SERGEF: variants seen among roughly 807,000 people sequenced by gnomAD.
The protein encoded by SERGEF is secretion regulating guanine nucleotide exchange factor.
Under a neutral mutation model 50.0 loss-of-function variants are expected in SERGEF, and 51 were observed. That is an observed-to-expected ratio of 1.02 (90% CI 0.81 to 1.29). The LOEUF is 1.29. Ranked by LOEUF, SERGEF falls within the 50% of genes most tolerant of loss-of-function variation. The pLI, the probability that SERGEF is intolerant of heterozygous loss-of-function variation, is 0.00. For synonymous variants in SERGEF, 205 were observed against 212.4 expected (o/e 0.97, Z 0.30); for missense variants, 521 against 557.0 (o/e 0.94, Z 0.65).
chr11:17,921,415 T>C (rs1852153688), intron 9 of SERGEF, among the ~76,000 whole-genome samples: 1 of 152,162 alleles, frequency 6.6e-6, no homozygotes, highest in African/African-American at 2.4e-5. Context: ...CCATGTAAAA[T>C]ATCTAGTCCA....
chr11:17,902,866 C>T (rs1485661603), intron 9 of SERGEF, among the ~76,000 whole-genome samples: 1 of 152,208 alleles, frequency 6.6e-6, no homozygotes, highest in East Asian at 1.9e-4. Flanking sequence ...TACCAGACAT[C>T]ACCTGCCCCA....
At chr11:17,887,630 A>G (rs2133907190) in intron 9 of SERGEF, among the ~76,000 whole-genome samples, 2 of 152,374 alleles carry the variant, frequency 1.3e-5, no homozygotes, top group East Asian at 1.9e-4. Flanking sequence ...TGTAAATTCA[A>G]CAACTGCTTG....
chr11:17,991,625 T>C lies in SERGEF; in HGVS notation c.685+1306A>G, dbSNP rs1488400620. Among the ~76,000 whole-genome samples the C allele has an allele frequency of 6.6e-6, 1 of 152,250 alleles. No homozygotes were observed. Among genetic ancestry groups the C allele is most frequent in the Non-Finnish European group, 1.5e-5 (1 of 68,046 alleles). On this transcript the variant is annotated intron_variant, in intron 7 of 10. Coordinates refer to ENST00000265965, the MANE Select transcript of SERGEF (RefSeq NM_012139.4). The surrounding 1 kb of genome is among the most constrained non-coding windows in gnomAD (Gnocchi z 4.9). ...AACACTTTTAACAAATATTAATATATAAATCTACCTAATGTGAGACACAAG... is the reference window on the plus strand; with the variant it reads ...AACACTTTTAACAAATATTAATATACAAATCTACCTAATGTGAGACACAAG...
At chr11:17,846,733 G>GGGAT (rs919820913) in intron 10 of SERGEF, 2 of 456,084 alleles carry the variant, frequency 4.4e-6, no homozygotes, top group African/African-American at 4.0e-5. Flanking sequence ...CAGCAAAACT[G>GGGAT]GGATAATAAT....
chr11:17,962,533 G>A (rs1853027882), intron 8 of SERGEF, among the ~76,000 whole-genome samples: 1 of 152,086 alleles, frequency 6.6e-6, no homozygotes, highest in African/African-American at 2.4e-5. Flanking sequence ...CATCCAAAAA[G>A]TATAGGTATG....
intron 9 of SERGEF, among the ~76,000 whole-genome samples, chr11:17,898,608 G>A (rs76402800): frequency 0.059 from 8,941 of 152,190 alleles, 895 homozygotes; most frequent in African/African-American, 0.2. Flanking sequence ...AAGGGGAAGT[G>A]TGAAATTGTT....
intron 10 of SERGEF, among the ~76,000 whole-genome samples, chr11:17,821,787 G>A (rs182952070): frequency 1.3e-5 from 2 of 152,206 alleles, no homozygotes; most frequent in East Asian, 3.9e-4. Context: ...GTGTATATGT[G>A]TCCATCTCAC....
intron 9 of SERGEF, among the ~76,000 whole-genome samples, chr11:17,903,834 T>C (rs1851790817): frequency 6.6e-6 from 1 of 152,190 alleles, no homozygotes; most frequent in African/African-American, 2.4e-5. Context: ...TGAGGAGTCA[T>C]TAATGTAGGG....
At chr11:17,836,102 C>T (rs1464073032) in intron 10 of SERGEF, among the ~76,000 whole-genome samples, 1 of 152,232 alleles carries the variant, frequency 6.6e-6, no homozygotes, top group Non-Finnish European at 1.5e-5. Context: ...GCAAACATCA[C>T]TGAGCACATA....
chr11:17,978,838 G>T (rs1853434850), intron 8 of SERGEF, among the ~76,000 whole-genome samples: 1 of 152,078 alleles, frequency 6.6e-6, no homozygotes, highest in African/African-American at 2.4e-5. Context: ...GACTCTACCA[G>T]CCTCATCCCA....
chr11:17,823,753 T>G (rs756596414), intron 10 of SERGEF, among the ~76,000 whole-genome samples: 2 of 152,168 alleles, frequency 1.3e-5, no homozygotes, highest in Non-Finnish European at 2.9e-5. Context: ...GTTTTATGAG[T>G]GAGATGCTGA....
chr11:17,970,443 C>T (rs1853223071), intron 8 of SERGEF, among the ~76,000 whole-genome samples: 1 of 152,096 alleles, frequency 6.6e-6, no homozygotes, highest in Admixed American at 6.5e-5. Flanking sequence ...TTTCCGGAGA[C>T]AAAACAATAT....
At chr11:17,970,972 A>G (rs949340664) in intron 8 of SERGEF, among the ~76,000 whole-genome samples, 1 of 152,178 alleles carries the variant, frequency 6.6e-6, no homozygotes, top group African/African-American at 2.4e-5. Flanking sequence ...AGGTGGGCGG[A>G]TCACGAGGTC....
At chr11:17,866,730 T>A (rs1851032137) in intron 10 of SERGEF, 1 of 152,338 alleles carries the variant, frequency 6.6e-6, no homozygotes, top group African/African-American at 2.4e-5. Flanking sequence ...GTTTTAACAC[T>A]GTTAATAAAG....
At position 17,977,283 on chromosome 11, in the gene SERGEF, C is replaced by T. The variant is rs554546427; in HGVS notation, c.844+11314G>A. On this transcript the variant is annotated intron_variant, in intron 8 of 10. Transcript: ENST00000265965. Reference sequence around the variant, plus strand: ...TGAAAACTGCTATAATGAAAAATAACACAGTGAAGGGAATAGAGTGTAAGA... The same window carrying T: ...TGAAAACTGCTATAATGAAAAATAATACAGTGAAGGGAATAGAGTGTAAGA... Among the ~76,000 whole-genome samples, 9 of 152,250 alleles carry T rather than the reference C, an allele frequency of 5.9e-5. No individual in the cohort carries two copies. The South Asian group carries it at 1.9e-3, about 32-fold the overall frequency.
intron 9 of SERGEF, among the ~76,000 whole-genome samples, chr11:17,938,751 T>C (rs1333284076): frequency 1.3e-5 from 2 of 152,216 alleles, no homozygotes; most frequent in African/African-American, 4.8e-5. Context: ...ATGGGTATAT[T>C]GGGTACTCTA....
intron 10 of SERGEF, among the ~76,000 whole-genome samples, chr11:17,832,952 A>G (rs1850337658): frequency 1.3e-5 from 2 of 152,200 alleles, no homozygotes; most frequent in Non-Finnish European, 2.9e-5. Context: ...AAAGTTTGGA[A>G]AACACCTGAC....
chr11:18,006,593 G>A lies in SERGEF; in HGVS notation c.350C>T (p.Thr117Ile), dbSNP rs777225860. Residue 117 changes from threonine (T) to isoleucine (I), a missense_variant and splice_region_variant, in exon 3 of 11, where the codon ACA (threonine) becomes ATA (isoleucine). Coordinates refer to ENST00000265965, the MANE Select transcript of SERGEF (RefSeq NM_012139.4). ...ACGWDFTIML[T>I]ENGQVLSCGS... ...AATCTACCTAGGAGTGAACTCACCT[G>A]TGAGCATAATCGTAAAATCCCAGCC... 3.7e-6 allele frequency: 6 copies of A among 1,613,788 alleles called. No individual in the cohort carries two copies. Among genetic ancestry groups the A allele is most frequent in the Non-Finnish European group, 5.1e-6 (6 of 1,179,852 alleles).
chr11:17,865,703 G>A (rs1851010111), intron 10 of SERGEF, among the ~76,000 whole-genome samples: 1 of 152,126 alleles, frequency 6.6e-6, no homozygotes, highest in Admixed American at 6.5e-5. Context: ...TGTACAATGT[G>A]TTTTAAGCTG....
Sources: allele counts gnomAD v4.1 joint callset (sites outside exome capture counted in the v4.1 genomes callset), GRCh38; gene constraint gnomAD v4.1.1; non-coding constraint Gnocchi (gnomAD v3.1); transcripts MANE v1.5; gene names NCBI Gene and HGNC (gene_info 2026-07-23, HGNC 2026-07-21).